The following FGF14 variants were observed in gnomAD, a reference collection of about 807,000 sequenced individuals.
The protein encoded by FGF14 is fibroblast growth factor homologous factor 4.
FGF14 carries 5 observed loss-of-function variants against 25.5 expected under a neutral mutation model. The observed-to-expected ratio is 0.20, with a 90% CI of 0.10 to 0.41. The LOEUF (loss-of-function observed/expected upper bound fraction) is 0.41. Among genes scored for constraint, FGF14 ranks in the 10% least tolerant of loss-of-function variants. FGF14 has a pLI of 1.00. For synonymous variants in FGF14, 138 were observed against 118.3 expected (o/e 1.17, Z -1.08); for missense variants, 222 against 320.1 (o/e 0.69, Z 2.34).
chr13:101,957,615 T>C (rs1016695468), intron 1 of FGF14, among the ~76,000 whole-genome samples: 3 of 152,200 alleles, frequency 2.0e-5, no homozygotes, highest in Non-Finnish European at 4.4e-5. Context: ...CATATGCATA[T>C]TAGTATTTGA....
At chr13:102,006,961 G>T in intron 1 of FGF14, among the ~76,000 whole-genome samples, 1 of 150,946 alleles carries the variant, frequency 6.6e-6, no homozygotes. Context: ...AGCCAGGATG[G>T]TCTCGATCTC....
intron 3 of FGF14, among the ~76,000 whole-genome samples, chr13:101,766,009 A>C (rs1594171757): frequency 6.6e-6 from 1 of 152,186 alleles, no homozygotes; most frequent in Admixed American, 6.5e-5. Flanking sequence ...GATTACAGGC[A>C]TGAGCCACTG....
At chr13:102,286,516 T>TC (rs2054106420) in intron 1 of FGF14, among the ~76,000 whole-genome samples, 1 of 152,224 alleles carries the variant, frequency 6.6e-6, no homozygotes, top group Admixed American at 6.5e-5. Flanking sequence ...GTAGTATTAC[T>TC]TCTCTCTATG....
intron 1 of FGF14, among the ~76,000 whole-genome samples, chr13:102,009,968 A>T (rs1942709640): frequency 6.6e-6 from 1 of 152,222 alleles, no homozygotes; most frequent in African/African-American, 2.4e-5. Flanking sequence ...ATAAAATTTC[A>T]TGATCTAAAA....
intron 1 of FGF14, among the ~76,000 whole-genome samples, chr13:101,954,533 A>G (rs9518604): frequency 0.11 from 16,380 of 152,298 alleles, 1,048 homozygotes; most frequent in Admixed American, 0.21. Context: ...GAAGTTAAAA[A>G]TAAAGATCTG....
chr13:101,851,647 CCCTTTCCTAGCTCG>C (rs1241390263), intron 3 of FGF14, among the ~76,000 whole-genome samples: 1 of 152,062 alleles, frequency 6.6e-6, no homozygotes, highest in Non-Finnish European at 1.5e-5. Context: ...TCTTCTCATC[CCCTTTCCTAGCTCG>C]CCTTTCTCTC....
chr13:102,159,158 GA>G (rs57668639), intron 1 of FGF14, among the ~76,000 whole-genome samples: 47 of 129,962 alleles, frequency 3.6e-4, no homozygotes, highest in African/African-American at 1.3e-3. Context: ...AAAAAAAAAA[GA>G]AAAGAAAAGA....
intron 3 of FGF14, among the ~76,000 whole-genome samples, chr13:101,804,523 G>A (rs948707400): frequency 2.6e-5 from 4 of 152,124 alleles, no homozygotes; most frequent in Non-Finnish European, 4.4e-5. Context: ...GGACACTCAG[G>A]TAGATGAAAA....
At chr13:102,186,578 T>G (rs2048883170) in intron 1 of FGF14, among the ~76,000 whole-genome samples, 1 of 152,192 alleles carries the variant, frequency 6.6e-6, no homozygotes, top group African/African-American at 2.4e-5. Context: ...TAATTCTCAA[T>G]GTGAATATGA....
At chr13:102,315,884 A>AT (rs797003238) in intron 1 of FGF14, among the ~76,000 whole-genome samples, 3 of 152,236 alleles carry the variant, frequency 2.0e-5, no homozygotes, top group East Asian at 1.9e-4. Flanking sequence ...ATCCCAAGAT[A>AT]TTTTAAAAAA....
At chr13:102,249,687 C>T (rs896338294) in intron 1 of FGF14, among the ~76,000 whole-genome samples, 4 of 151,978 alleles carry the variant, frequency 2.6e-5, no homozygotes, top group Non-Finnish European at 4.4e-5. Flanking sequence ...CTATTTCAAC[C>T]GAGTCACCAA....
At chr13:102,182,272 C>T (rs1024488890) in intron 1 of FGF14, among the ~76,000 whole-genome samples, 1 of 152,050 alleles carries the variant, frequency 6.6e-6, no homozygotes, top group African/African-American at 2.4e-5. Context: ...GAGCCATATG[C>T]CAAAGAATGC....
chr13:101,767,551 C>A (rs1419645018), intron 3 of FGF14, among the ~76,000 whole-genome samples: 1 of 152,134 alleles, frequency 6.6e-6, no homozygotes, highest in Admixed American at 6.6e-5. Flanking sequence ...TTACTGAATC[C>A]CTTTTGTAAA....
intron 1 of FGF14, among the ~76,000 whole-genome samples, chr13:102,226,701 A>C (rs776478873): frequency 6.6e-6 from 1 of 152,088 alleles, no homozygotes; most frequent in African/African-American, 2.4e-5. Flanking sequence ...TCTTTAGGGA[A>C]CATCATCTAC....
chr13:101,893,013 G>A (rs2029989324), intron 1 of FGF14, among the ~76,000 whole-genome samples: 1 of 152,146 alleles, frequency 6.6e-6, no homozygotes, highest in African/African-American at 2.4e-5. Flanking sequence ...TCTGGTCACT[G>A]GATGTTGGGT....
upstream of FGF14, among the ~76,000 whole-genome samples, chr13:101,921,765 G>C (rs1255622738): frequency 6.6e-6 from 1 of 152,108 alleles, no homozygotes; most frequent in East Asian, 1.9e-4. Context: ...ACCACTTGCT[G>C]TCCATCAAAC....
rs1015211477 is a variant in FGF14 at position 102,335,851 on chromosome 13, T to C, written c.208+65620A>G. Among the ~76,000 whole-genome samples, 28 of 152,200 alleles carry C rather than the reference T, an allele frequency of 1.8e-4. 1 individual carries two copies. The highest frequency in any genetic ancestry group is 1.5e-5 in the Non-Finnish European group (1 of 68,024). On this transcript the variant is annotated intron_variant, in intron 1 of 4. Transcript: ENST00000376131. The stretch of plus-strand genomic sequence containing the variant: ...CTTTTCATTATTGTTATATCTGTTA[T>C]AGTAATTTGTAGCCAGTGATCTTTG...
chr13:101,771,475 T>A (rs2038765485), intron 3 of FGF14, among the ~76,000 whole-genome samples: 1 of 152,124 alleles, frequency 6.6e-6, no homozygotes, highest in Non-Finnish European at 1.5e-5. Flanking sequence ...TGGCCCAATT[T>A]TGTTGAGTAG....
intron 1 of FGF14, among the ~76,000 whole-genome samples, chr13:102,228,704 G>A (rs2140983964): frequency 6.6e-6 from 1 of 152,186 alleles, no homozygotes; most frequent in African/African-American, 2.4e-5. Context: ...AGAGGCTTAG[G>A]GAAGTCAAGA....
Sources: allele counts gnomAD v4.1 joint callset (sites outside exome capture counted in the v4.1 genomes callset), GRCh38; gene constraint gnomAD v4.1.1; transcripts MANE v1.5; gene names NCBI Gene and HGNC (gene_info 2026-07-23, HGNC 2026-07-21).